The following DOCK7 variants were observed in gnomAD, a reference collection of about 807,000 sequenced individuals.
DOCK7 encodes dedicator of cytokinesis 7.
DOCK7 carries 138 observed loss-of-function variants against 271.0 expected under a neutral mutation model. The ratio of observed to expected loss-of-function variants is 0.51; its 90% CI spans 0.44 to 0.59. The LOEUF (loss-of-function observed/expected upper bound fraction) is 0.59, where lower values mean the gene tolerates loss of function less well. Among genes scored for constraint, DOCK7 ranks in the 20% least tolerant of loss-of-function variants. The pLI, the probability that DOCK7 is intolerant of heterozygous loss-of-function variation, is 0.00. For missense variants in DOCK7, 2,066 were observed against 2,592.4 expected, an observed-to-expected ratio of 0.80 and a Z score of 4.41; for synonymous variants, 823 against 876.1, an observed-to-expected ratio of 0.94 and a Z score of 1.07.
chr1:62,571,521 A>T (rs1004580639), intron 18 of DOCK7, among the ~76,000 whole-genome samples: 2 of 152,186 alleles, frequency 1.3e-5, no homozygotes, highest in African/African-American at 2.4e-5. Context: ...AGAACCAGAA[A>T]TACCATTCGA....
At chr1:62,491,984 G>A (rs2149293113) in intron 41 of DOCK7, among the ~76,000 whole-genome samples, 1 of 152,238 alleles carries the variant, frequency 6.6e-6, no homozygotes, top group Middle Eastern at 3.4e-3. Context: ...CTGATGAGGG[G>A]AATATAACTT....
intron 29 of DOCK7, among the ~76,000 whole-genome samples, chr1:62,529,974 C>T (rs1041640867): frequency 6.6e-6 from 1 of 152,126 alleles, no homozygotes; most frequent in Admixed American, 6.6e-5. Context: ...CATTTGGGTC[C>T]TTACAACTTT....
chr1:62,636,797 T>C (rs1655331603), intron 7 of DOCK7, among the ~76,000 whole-genome samples, 194 bp from the exon 8 acceptor site: 1 of 152,154 alleles, frequency 6.6e-6, no homozygotes, highest in Non-Finnish European at 1.5e-5. Flanking sequence ...CCTTATCTTC[T>C]CTAGTTAATC....
At chr1:62,479,549 CTTAA>C (rs1267304982) in intron 43 of DOCK7, among the ~76,000 whole-genome samples, 1 of 151,794 alleles carries the variant, frequency 6.6e-6, no homozygotes, top group African/African-American at 2.4e-5. Context: ...TAAATTCTGA[CTTAA>C]GTAATAAAGG....
chr1:62,466,543 C>T (rs1466682659), intron 48 of DOCK7, among the ~76,000 whole-genome samples: 2 of 152,164 alleles, frequency 1.3e-5, no homozygotes, highest in Non-Finnish European at 2.9e-5. Flanking sequence ...AGGGAATGCC[C>T]TTTAAAGTTC....
chr1:62,652,052 C>T (rs1466392339), intron 4 of DOCK7, among the ~76,000 whole-genome samples: 2 of 152,068 alleles, frequency 1.3e-5, no homozygotes, highest in African/African-American at 4.8e-5. Context: ...ATTCTATTAG[C>T]CTAAGCCTCC....
chr1:62,669,402 T>A (rs1659677735), intron 1 of DOCK7, among the ~76,000 whole-genome samples: 1 of 152,184 alleles, frequency 6.6e-6, no homozygotes. Flanking sequence ...TATCAAGAAT[T>A]TGGCTTTCCG....
At chr1:62,600,370 C>T (rs890012375) in intron 14 of DOCK7, among the ~76,000 whole-genome samples, 2 of 151,676 alleles carry the variant, frequency 1.3e-5, no homozygotes, top group South Asian at 4.2e-4. Context: ...AGCAAGCAAA[C>T]TTTACAATAG....
chr1:62,510,495 ATAAAG>A, intron 34 of DOCK7, 77 bp downstream of exon 34: 1 of 983,562 alleles, frequency 1.0e-6, no homozygotes, highest in Non-Finnish European at 1.5e-6. Flanking sequence ...AAATGTAAAT[ATAAAG>A]TAAAAGTTAT....
chr1:62,680,587 C>G (rs577399153), intron 1 of DOCK7, among the ~76,000 whole-genome samples: 151 of 152,134 alleles, frequency 9.9e-4, no homozygotes, highest in African/African-American at 2.7e-3. Flanking sequence ...ACACTACCAT[C>G]AGAGTGAACA....
At chr1:62,641,414 A>G (rs1006930989) in intron 7 of DOCK7, 2 of 400,094 alleles carry the variant, frequency 5.0e-6, no homozygotes. Context: ...CCCATCAAAC[A>G]TCTTGAGGTG....
At chr1:62,598,074 T>C (rs1649548409) in intron 14 of DOCK7, 7 of 1,572,818 alleles carry the variant, frequency 4.5e-6, no homozygotes, top group Non-Finnish European at 6.0e-6. Context: ...AAGTAGAAAA[T>C]AAAGAGGGTT....
At chr1:62,552,641 C>T in intron 22 of DOCK7, 91 bp downstream of exon 22, 1 of 1,282,954 alleles carries the variant, frequency 7.8e-7, no homozygotes, top group East Asian at 2.5e-5. Context: ...TTACATACAT[C>T]TCAAAATTCA....
Position 62,648,443 on chromosome 1 carries a change from G to T in DOCK7, c.491C>A (p.Pro164Gln). The T allele has an allele frequency of 6.5e-7, 1 of 1,549,734 alleles. No homozygotes were observed. Among genetic ancestry groups the T allele is most frequent in the Admixed American group, 1.8e-5 (1 of 55,632 alleles). ...PKQVFESDEA[P>Q]DGNSYQDDQD... ...ATCATCCTGGTAGCTGTTGCCATCTGGAGCTTCATCAGATTCAAAAACTTG... is the reference window on the plus strand; with the variant it reads ...ATCATCCTGGTAGCTGTTGCCATCTTGAGCTTCATCAGATTCAAAAACTTG... Residue 164 changes from proline (P) to glutamine (Q), a missense_variant, in exon 5 of 50, where the codon CCA becomes CAA. Around this residue, in one of 2 missense-constraint regions of DOCK7, gnomAD observed 1,414 missense variants for 1,670.4 expected, o/e 0.85. Coordinates refer to ENST00000635253, the MANE Select transcript of DOCK7 (RefSeq NM_001367561.1).
chr1:62,585,621 T>A (rs562834298), intron 15 of DOCK7, among the ~76,000 whole-genome samples: 1 of 152,154 alleles, frequency 6.6e-6, no homozygotes. Flanking sequence ...ACCACTGTCA[T>A]TACTGTTCAC....
intron 48 of DOCK7, among the ~76,000 whole-genome samples, chr1:62,467,888 A>G (rs1442494646): frequency 6.6e-6 from 1 of 152,238 alleles, no homozygotes; most frequent in Non-Finnish European, 1.5e-5. Context: ...CCAACAGCAT[A>G]GCAAAAAGAT....
intron 14 of DOCK7, among the ~76,000 whole-genome samples, chr1:62,617,659 G>C (rs1652617076): frequency 6.6e-6 from 1 of 151,818 alleles, no homozygotes; most frequent in Non-Finnish European, 1.5e-5. Flanking sequence ...TTTATTACAT[G>C]TTGAAATGAT....
chr1:62,685,266 T>C (rs1661596743), intron 1 of DOCK7, among the ~76,000 whole-genome samples: 1 of 152,234 alleles, frequency 6.6e-6, no homozygotes, highest in Non-Finnish European at 1.5e-5. Context: ...AACTTGGCCA[T>C]GTTTACTCAA....
chr1:62,531,760 A>G (rs1005844683), intron 29 of DOCK7, among the ~76,000 whole-genome samples: 2 of 152,186 alleles, frequency 1.3e-5, no homozygotes, highest in Non-Finnish European at 2.9e-5. Context: ...TAATCTATAT[A>G]CCTCCCAAGA....
Sources: allele counts gnomAD v4.1 joint callset (sites outside exome capture counted in the v4.1 genomes callset), GRCh38; gene constraint gnomAD v4.1.1; regional missense constraint gnomAD v4.1.1; transcripts MANE v1.5; gene names NCBI Gene and HGNC (gene_info 2026-07-23, HGNC 2026-07-21).